IL6R: variants seen among roughly 807,000 people sequenced by gnomAD.
IL6R encodes the protein interleukin-6 receptor subunit alpha.
Under a neutral mutation model 48.3 loss-of-function variants are expected in IL6R, and 38 were observed. The ratio of observed to expected loss-of-function variants is 0.79; its 90% CI spans 0.61 to 1.03. IL6R has a LOEUF of 1.03. Ranked by LOEUF, IL6R falls within the 50% of genes least tolerant of loss-of-function variation. The pLI, the probability that IL6R is intolerant of heterozygous loss-of-function variation, is 0.00. For missense variants in IL6R, 534 were observed against 618.3 expected (o/e 0.86, Z 1.45); for synonymous variants, 264 against 256.2 (o/e 1.03, Z -0.29).
intron 9 of IL6R, among the ~76,000 whole-genome samples, chr1:154,455,217 G>C: frequency 6.6e-6 from 1 of 150,918 alleles, no homozygotes; most frequent in East Asian, 2.0e-4. Context: ...GGCCCAAAGA[G>C]GGTTCTTAGG....
chr1:154,456,907 G>A (rs1391406629), intron 9 of IL6R, among the ~76,000 whole-genome samples: 3 of 152,142 alleles, frequency 2.0e-5, no homozygotes, highest in East Asian at 1.9e-4. Flanking sequence ...AGATTCTGGT[G>A]TTGTAAGAAC....
chr1:154,447,442 A>ATATATATATATATAT lies in IL6R; in HGVS notation c.950-683_950-682insTATATATATATATAT, dbSNP rs375992381. 2.7e-4 allele frequency among the ~76,000 whole-genome samples: 16 copies of ATATATATATATATAT among 60,222 alleles called. 2 individuals carry two copies. The highest frequency in any genetic ancestry group is 5.4e-4 in the African/African-American group (6 of 11,034). 39.5% of individuals were successfully genotyped at this position (60,222 alleles called of 152,430 possible). On this transcript the variant is annotated intron_variant, in intron 6 of 9. Transcript: ENST00000368485. The stretch of plus-strand genomic sequence containing the variant: ...CAAAAGAGTGAAACTCCATCTCAAA[A>ATATATATATATATAT]AAAAAAAAAAAAATATATATATATA...
Position 154,435,041 on chromosome 1 carries a change from C to T in IL6R, c.692C>T (p.Pro231Leu), listed in dbSNP as rs1304450338. 1.2e-6 allele frequency: 2 copies of T among 1,614,054 alleles called. No individual in the cohort carries two copies. Among genetic ancestry groups the T allele is most frequent in the Non-Finnish European group, 1.7e-6 (2 of 1,180,020 alleles). Reference sequence around the variant, plus strand: ...ACAGTCACTGCCGTGGCCAGAAACCCCCGCTGGCTCAGTGTCACCTGGCAA... The same window carrying T: ...ACAGTCACTGCCGTGGCCAGAAACCTCCGCTGGCTCAGTGTCACCTGGCAA... ...NITVTAVARN[P>L]RWLSVTWQDP... is the part of the protein sequence containing the mutation. The change falls in exon 5 of 10, where the codon CCC becomes CTC. Residue 231 changes from proline to leucine, a missense_variant. Physicochemically the swap from Pro to Leu is moderately conservative, Grantham distance 98. Transcript: ENST00000368485.
chr1:154,409,541 G>T (rs1196180954), intron 1 of IL6R, among the ~76,000 whole-genome samples: 1 of 152,198 alleles, frequency 6.6e-6, no homozygotes, highest in Non-Finnish European at 1.5e-5. Context: ...TCGAAGGGTG[G>T]TTATGAAGAT....
chr1:154,454,189 GC>G, intron 8 of IL6R: 1 of 441,988 alleles, frequency 2.3e-6, no homozygotes. Flanking sequence ...GGAGTCTGTG[GC>G]TAGCCACAGG....
chr1:154,446,577 C>T (rs962655290), intron 6 of IL6R, among the ~76,000 whole-genome samples: 5 of 152,194 alleles, frequency 3.3e-5, no homozygotes, highest in African/African-American at 9.7e-5. Context: ...CTGCCTGTTA[C>T]GGTTAAGGCC....
rs1216364318 is a variant in IL6R at position 154,405,787 on chromosome 1, C to A, written c.85+73C>A. 3 of 1,119,548 alleles carry A rather than the reference C, an allele frequency of 2.7e-6. No homozygotes were observed. The highest frequency in any genetic ancestry group is 1.2e-6 in the Non-Finnish European group (1 of 831,614). The allele number at this position is 1,119,548 out of a possible 1,614,324, so 69.4% of individuals were successfully genotyped here. On this transcript the variant is annotated intron_variant, in intron 1 of 9. Transcript: ENST00000368485. The surrounding 1 kb of genome is among the most constrained non-coding windows in gnomAD (Gnocchi z 5.2). ...GGGAAACCGCCTTGGTCACCGCAGT[C>A]TGTGGGAGGCTGGAGGGAGGAAAGG... is the stretch of plus-strand genomic sequence containing the variant.
rs888575480 is a variant in IL6R, at chr1:154,467,370, C to T, written c.*1990C>T. On this transcript the variant is annotated 3_prime_UTR_variant, in exon 10 of 10. Transcript: ENST00000368485. ...GAGTGGGGATATGATTTAAATCAGC[C>T]GTGTAACCATGGACCCAATATTTAC... 6.6e-6 allele frequency: 1 copy of T among 152,106 alleles called. No homozygotes were observed. 9.4% of individuals were successfully genotyped at this position (152,106 alleles called of 1,614,324 possible).
chr1:154,412,914 T>G (rs890020069), intron 1 of IL6R, among the ~76,000 whole-genome samples: 1 of 151,568 alleles, frequency 6.6e-6, no homozygotes, highest in African/African-American at 2.4e-5. Flanking sequence ...CCTGCTCCTG[T>G]GGACTAGGAA....
chr1:154,405,638 C>G lies in IL6R; in HGVS notation c.9C>G (p.Ala3=). ML[A]VGCALLAALL... ...GTAGCCGAGGAGGAAGCATGCTGGC[C>G]GTCGGCTGCGCGCTGCTGGCTGCCC... Residue 3 remains alanine, a synonymous_variant, in exon 1 of 10, where the codon GCC becomes GCG. Transcript: ENST00000368485. The surrounding 1 kb of genome is among the most constrained non-coding windows in gnomAD (Gnocchi z 5.2). 1.3e-6 allele frequency: 2 copies of G among 1,533,312 alleles called. No homozygotes were observed. Among genetic ancestry groups the G allele is most frequent in the African/African-American group, 1.4e-5 (1 of 72,166 alleles). The allele number at this position is 1,533,312 out of a possible 1,614,324, so 95.0% of individuals were successfully genotyped here.
chr1:154,412,041 A>G (rs997386892), intron 1 of IL6R, among the ~76,000 whole-genome samples: 12 of 142,312 alleles, frequency 8.4e-5, no homozygotes, highest in African/African-American at 2.7e-4. Flanking sequence ...TCCGCCTCCC[A>G]GGTTCACGCA....
At chr1:154,450,732 T>C (rs946197498) in intron 8 of IL6R, among the ~76,000 whole-genome samples, 4 of 152,204 alleles carry the variant, frequency 2.6e-5, no homozygotes, top group Non-Finnish European at 4.4e-5. Context: ...TGTGTTTGAC[T>C]AGGTATATGG....
intron 1 of IL6R, among the ~76,000 whole-genome samples, chr1:154,426,023 T>C (rs1056355491): frequency 6.0e-5 from 9 of 151,056 alleles, no homozygotes; most frequent in Non-Finnish European, 1.3e-4. Context: ...TGCAAAAAGC[T>C]ATGATTGTGC....
At chr1:154,414,477 T>A in intron 1 of IL6R, 2 of 1,049,352 alleles carry the variant, frequency 1.9e-6, no homozygotes, top group Non-Finnish European at 2.9e-6. Flanking sequence ...CTATATTAGT[T>A]GTTGGGGCCC....
Position 154,427,076 on chromosome 1 carries a change from G to A in IL6R, c.86-2120G>A, listed in dbSNP as rs12096982. On this transcript the variant is annotated intron_variant, in intron 1 of 9. Coordinates refer to ENST00000368485, the MANE Select transcript of IL6R (RefSeq NM_000565.4). The stretch of plus-strand genomic sequence containing the variant: ...TGGGATTACAGGAGCCTGCCACCAC[G>A]CCCAGCAAATTTTTTGTATTTTTAG... 9.3e-3 allele frequency among the ~76,000 whole-genome samples: 1,413 copies of A among 152,156 alleles called. 22 individuals are homozygous for A. Among genetic ancestry groups the A allele is most frequent in the African/African-American group, 0.032 (1,339 of 41,506 alleles).
At chr1:154,460,879 CAA>C (rs1007040629) in intron 9 of IL6R, among the ~76,000 whole-genome samples, 3 of 152,094 alleles carry the variant, frequency 2.0e-5, no homozygotes, top group Non-Finnish European at 2.9e-5. Flanking sequence ...AGACACAAGA[CAA>C]AGAGATAAAG....
chr1:154,410,514 G>A (rs1390427381), intron 1 of IL6R, among the ~76,000 whole-genome samples: 2 of 152,232 alleles, frequency 1.3e-5, no homozygotes, highest in South Asian at 2.1e-4. Flanking sequence ...GCCTCCCAAA[G>A]TGCTGGGATT....
At chr1:154,410,435 T>C (rs1687956370) in intron 1 of IL6R, among the ~76,000 whole-genome samples, 13 of 152,088 alleles carry the variant, frequency 8.5e-5, no homozygotes, top group Admixed American at 8.5e-4. Context: ...GTATTTCTTG[T>C]AGAGACAGGA....
chr1:154,445,594 C>CA (rs1477355618), intron 6 of IL6R, among the ~76,000 whole-genome samples: 2 of 151,922 alleles, frequency 1.3e-5, no homozygotes, highest in Non-Finnish European at 2.9e-5. Context: ...ACTAAAAATA[C>CA]AAAAAATTAG....
Sources: gnomAD v4.1 joint callset for allele counts (sites outside exome capture counted in the v4.1 genomes callset) on GRCh38, gnomAD v4.1.1 for gene constraint, Gnocchi (gnomAD v3.1) non-coding constraint, MANE v1.5 for transcripts, NCBI Gene and HGNC (gene_info 2026-07-23, HGNC 2026-07-21) for gene names.